Variants in SYT17 observed in about 807,000 individuals in gnomAD.
SYT17 encodes synaptotagmin 17, also known as synaptotagmin-17.
A neutral mutation model predicts 46.7 loss-of-function variants in SYT17; 22 were observed. The ratio of observed to expected loss-of-function variants is 0.47; its 90% CI spans 0.34 to 0.67. The LOEUF is 0.67. Among genes scored for constraint, SYT17 ranks in the 30% least tolerant of loss-of-function variants. The pLI is 0.01. For missense variants in SYT17, 519 were observed against 612.8 expected (o/e 0.85, Z 1.62); for synonymous variants, 251 against 248.4 (o/e 1.01, Z -0.10).
At chr16:19,223,537 T>C (rs1234534255) in intron 6 of SYT17, among the ~76,000 whole-genome samples, 4 of 152,246 alleles carry the variant, frequency 2.6e-5, no homozygotes, top group Non-Finnish European at 4.4e-5. Context: ...TAAATTTTTA[T>C]GAATTCCAAC....
At chr16:19,207,732 G>A (rs1357873776) in intron 5 of SYT17, among the ~76,000 whole-genome samples, 1 of 152,022 alleles carries the variant, frequency 6.6e-6, no homozygotes, top group South Asian at 2.1e-4. Context: ...AGGGAACAAG[G>A]TGGCCACTCC....
At chr16:19,208,880 C>A (rs1324042442) in intron 5 of SYT17, among the ~76,000 whole-genome samples, 2 of 68,190 alleles carry the variant, frequency 2.9e-5, no homozygotes, top group African/African-American at 1.2e-4. Context: ...TCTACAAGGA[C>A]CTTCTTTTTT....
intron 5 of SYT17, among the ~76,000 whole-genome samples, chr16:19,210,613 G>A (rs898756920): frequency 9.2e-5 from 14 of 151,854 alleles, no homozygotes; most frequent in Non-Finnish European, 1.6e-4. Context: ...AAAAAGTGAA[G>A]AGAAGAAAGA....
Position 19,183,857 on chromosome 16 carries a change from CGCCAGGACAT to C in SYT17, c.663_672del (p.Gln222ArgfsTer52). 6.2e-7 allele frequency: 1 copy of C among 1,614,150 alleles called. No homozygotes were observed. Among genetic ancestry groups the C allele is most frequent in the Non-Finnish European group, 8.5e-7 (1 of 1,180,034 alleles). ...ACCTCCCATCTCCCACGATGGCTCG[CGCCAGGACAT>C]GGCGCACTCCAACCCCTACGTCAAG... On this transcript the variant is annotated frameshift_variant, in exon 5 of 8. Coordinates refer to ENST00000355377, the MANE Select transcript of SYT17 (RefSeq NM_016524.4). LOFTEE classifies it high-confidence loss of function. This position sits in a 1 kb window ranked among gnomAD's most constrained non-coding sequence, Gnocchi z 5.6.
chr16:19,173,832 T>C (rs981699285), intron 3 of SYT17, among the ~76,000 whole-genome samples: 6 of 152,146 alleles, frequency 3.9e-5, no homozygotes, highest in Non-Finnish European at 7.4e-5. Context: ...CCTTCTGAGA[T>C]ACGAACCGTG....
intron 7 of SYT17, among the ~76,000 whole-genome samples, chr16:19,250,699 A>AC: frequency 6.7e-6 from 1 of 149,204 alleles, no homozygotes; most frequent in South Asian, 2.2e-4. Context: ...ACAGGCGTGA[A>AC]CCACCATGCG....
At chr16:19,235,405 C>G (rs1966839365) in intron 7 of SYT17, among the ~76,000 whole-genome samples, 1 of 152,114 alleles carries the variant, frequency 6.6e-6, no homozygotes, top group African/African-American at 2.4e-5. Flanking sequence ...TAACAGCAAA[C>G]AGAAGGCAGG....
At position 19,168,730 on chromosome 16, in the gene SYT17, C is replaced by T. The variant is rs1963963647; in HGVS notation, c.15+69C>T. 8 of 1,413,994 alleles carry T rather than the reference C, an allele frequency of 5.7e-6. No individual in the cohort carries two copies. Among genetic ancestry groups the T allele is most frequent in the Non-Finnish European group, 7.4e-6 (8 of 1,079,642 alleles). The allele number at this position is 1,413,994 out of a possible 1,614,324, so 87.6% of individuals were successfully genotyped here. On this transcript the variant is annotated intron_variant, in intron 1 of 7. Transcript: ENST00000355377. The surrounding 1 kb of genome is among the most constrained non-coding windows in gnomAD (Gnocchi z 6.9). ...GTGCCGCGCCCCCTCCGGCTGGGAG[C>T]GCGCGGAAGGGAGGGCCCACGGCTA...
intron 7 of SYT17, among the ~76,000 whole-genome samples, chr16:19,244,645 C>T (rs62025397): frequency 0.079 from 12,038 of 152,194 alleles, 563 homozygotes; most frequent in Non-Finnish European, 0.1. Flanking sequence ...CAGAATCTTA[C>T]TTCTTTCTTG....
chr16:19,203,322 C>G (rs1420617842), intron 5 of SYT17, among the ~76,000 whole-genome samples: 1 of 135,230 alleles, frequency 7.4e-6, no homozygotes, highest in Non-Finnish European at 1.6e-5. Context: ...GAAACCCCGT[C>G]TCTACTAACA....
chr16:19,263,951 C>T (rs984450243), intron 7 of SYT17, among the ~76,000 whole-genome samples: 4 of 152,178 alleles, frequency 2.6e-5, no homozygotes, highest in African/African-American at 7.2e-5. Flanking sequence ...GAATTCCTAA[C>T]CCACAAAGTG....
At chr16:19,177,743 G>A (rs552628003) in intron 3 of SYT17, among the ~76,000 whole-genome samples, 11 of 152,314 alleles carry the variant, frequency 7.2e-5, no homozygotes, top group African/African-American at 2.2e-4. Flanking sequence ...GCTGGGCTGG[G>A]CTGGTGAAGA....
At position 19,266,865 on chromosome 16, in the gene SYT17, C is replaced by T. The variant is rs1473104512; in HGVS notation, c.1229-15C>T. ...CTCTTGCCTCCCTCCTGCCCTCAAC[C>T]CTCTGGCTCCCTAGTTTTCGGCCAC... On this transcript the variant is annotated splice_polypyrimidine_tract_variant and intron_variant, in intron 7 of 7. Transcript: ENST00000355377. 6.2e-7 allele frequency: 1 copy of T among 1,610,310 alleles called. No homozygotes were observed. Among genetic ancestry groups the T allele is most frequent in the African/African-American group, 1.3e-5 (1 of 74,938 alleles).
At chr16:19,254,015 C>T (rs1430697893) in intron 7 of SYT17, among the ~76,000 whole-genome samples, 2 of 152,186 alleles carry the variant, frequency 1.3e-5, no homozygotes, top group Non-Finnish European at 2.9e-5. Flanking sequence ...AGGGGTGAAC[C>T]ACCGCACCCA....
intron 7 of SYT17, among the ~76,000 whole-genome samples, chr16:19,241,570 C>T (rs924831418): frequency 4.6e-5 from 7 of 152,264 alleles, no homozygotes; most frequent in South Asian, 4.1e-4. Context: ...CTCACTGGGT[C>T]GCTCTCTGCC....
intron 7 of SYT17, among the ~76,000 whole-genome samples, chr16:19,239,438 A>G (rs72779574): frequency 1.5e-3 from 221 of 152,214 alleles, no homozygotes; most frequent in Non-Finnish European, 2.1e-3. Context: ...AAATCAGAAA[A>G]CCAGACTCCC....
chr16:19,243,252 T>C (rs1465161474), intron 7 of SYT17, among the ~76,000 whole-genome samples: 1 of 152,174 alleles, frequency 6.6e-6, no homozygotes, highest in Non-Finnish European at 1.5e-5. Context: ...CACAGGAGGC[T>C]CTTTGGGGCC....
At position 19,184,016 on chromosome 16, in the gene SYT17, C is replaced by T. The variant is rs906510081; in HGVS notation, c.820C>T (p.Leu274=). Residue 274 remains leucine (L), a synonymous_variant, in exon 5 of 8, where the codon CTG becomes TTG. Transcript: ENST00000355377. ...CTTCCTGGAGGCCCAGAGGAGGACC[C>T]TGCTCCTGACCGTGGTGGATTTTGA... ...IPFLEAQRRT[L]LLTVVDFDKF... is the part of the protein sequence containing the mutation. The T allele has an allele frequency of 5.0e-6, 8 of 1,614,010 alleles. No homozygotes were observed. The African/African-American group carries it at 5.3e-5, about 11-fold the overall frequency.
At chr16:19,199,601 T>G (rs1965382728) in intron 5 of SYT17, among the ~76,000 whole-genome samples, 1 of 152,152 alleles carries the variant, frequency 6.6e-6, no homozygotes, top group Non-Finnish European at 1.5e-5. Context: ...CCAGGCATGT[T>G]GGTGCACACC....
Sources: gnomAD v4.1 joint callset for allele counts (sites outside exome capture counted in the v4.1 genomes callset) on GRCh38, gnomAD v4.1.1 for gene constraint, Gnocchi (gnomAD v3.1) non-coding constraint, MANE v1.5 for transcripts, NCBI Gene and HGNC (gene_info 2026-07-23, HGNC 2026-07-21) for gene names.